Variants in WDFY3 observed in about 807,000 individuals in gnomAD.
WDFY3 encodes WD repeat and FYVE domain containing 3.
In WDFY3, 66 loss-of-function variants were observed where a neutral mutation model predicts 409.6. That is an observed-to-expected ratio of 0.16 (90% CI 0.13 to 0.20). The LOEUF is 0.20. Among genes scored for constraint, WDFY3 ranks in the 10% least tolerant of loss-of-function variants. The pLI is 1.00. For synonymous variants in WDFY3, 1,521 were observed against 1,537.1 expected, an observed-to-expected ratio of 0.99 and a Z score of 0.25; for missense variants, 3,031 against 4,298.1, an observed-to-expected ratio of 0.71 and a Z score of 8.24.
rs796852348 is a variant in WDFY3 at position 84,730,807 on chromosome 4, A to AT, written c.7221+2574dup. Among the ~76,000 whole-genome samples, 1,332 of 146,610 alleles carry AT rather than the reference A, an allele frequency of 9.1e-3. 5 individuals carry two copies. The highest frequency in any genetic ancestry group is 0.012 in the African/African-American group (495 of 40,168). On this transcript the variant is annotated intron_variant, in intron 44 of 67. Coordinates refer to ENST00000295888, the MANE Select transcript of WDFY3 (RefSeq NM_014991.6). The stretch of plus-strand genomic sequence containing the variant: ...TTAAAAAAAAAATCTCTCTCTCTGT[A>AT]TTTTTTTTTTTAGATGGAGTTTTGC...
At chr4:84,680,905 A>G (rs1727240201) in intron 64 of WDFY3, among the ~76,000 whole-genome samples, 2 of 152,162 alleles carry the variant, frequency 1.3e-5, no homozygotes, top group South Asian at 4.1e-4. Flanking sequence ...GAGGTCTTAG[A>G]ACCAACTCCT....
intron 22 of WDFY3, 48 bp from the exon 23 acceptor site, chr4:84,787,761 A>G: frequency 6.7e-7 from 1 of 1,486,606 alleles, no homozygotes; most frequent in South Asian, 1.2e-5. Flanking sequence ...CACTTTCCCC[A>G]GGAAAATAAC....
In WDFY3 at chr4:84,794,889, G is replaced by A. The variant is rs146395071; in HGVS notation, c.3258C>T (p.Gly1086=). 5 of 1,567,648 alleles carry A rather than the reference G, an allele frequency of 3.2e-6. No individual in the cohort carries two copies. The African/African-American group carries it at 5.5e-5, about 17-fold the overall frequency. The part of the protein sequence containing the change: ...TGLIDGAVVS[G]IGSGERFFPP... ...GCAAATATTACTTACCAGAACCAATGCCACTGACCACAGCCCCATCAATAA... is the reference window on the plus strand; with the variant it reads ...GCAAATATTACTTACCAGAACCAATACCACTGACCACAGCCCCATCAATAA... The change falls in exon 20 of 68, where the codon GGC becomes GGT. Residue 1086 remains glycine, a synonymous_variant. Coordinates refer to ENST00000295888, the MANE Select transcript of WDFY3 (RefSeq NM_014991.6).
At chr4:84,826,491 T>C (rs1014530213) in intron 10 of WDFY3, among the ~76,000 whole-genome samples, 1 of 152,190 alleles carries the variant, frequency 6.6e-6, no homozygotes, top group African/African-American at 2.4e-5. Context: ...TTGAGTTCTA[T>C]CCACGTAAAG....
At chr4:84,766,747 C>A (rs1347234068) in intron 30 of WDFY3, among the ~76,000 whole-genome samples, 5 of 152,104 alleles carry the variant, frequency 3.3e-5, no homozygotes, top group Non-Finnish European at 7.3e-5. Context: ...TTGAAAGATA[C>A]AGTTAATTCT....
intron 2 of WDFY3, among the ~76,000 whole-genome samples, chr4:84,913,705 C>G (rs1579100715): frequency 6.6e-6 from 1 of 150,714 alleles, no homozygotes; most frequent in Non-Finnish European, 1.5e-5. Context: ...GAAACTAAAC[C>G]AAATGGTGGA....
intron 44 of WDFY3, among the ~76,000 whole-genome samples, chr4:84,729,370 T>A (rs1736193036): frequency 3.3e-5 from 5 of 152,070 alleles, no homozygotes; most frequent in Admixed American, 3.3e-4. Context: ...AATTATAGTA[T>A]AATTCATTTG....
At chr4:84,962,522 G>A (rs948384421) in intron 1 of WDFY3, among the ~76,000 whole-genome samples, 2 of 152,174 alleles carry the variant, frequency 1.3e-5, no homozygotes, top group African/African-American at 4.8e-5. Flanking sequence ...CAGGGCATGA[G>A]TGAACTTTTT....
intron 36 of WDFY3, among the ~76,000 whole-genome samples, chr4:84,744,669 C>A (rs990724412): frequency 1.3e-5 from 2 of 150,878 alleles, no homozygotes; most frequent in Non-Finnish European, 3.0e-5. Context: ...CCGGCTAAAA[C>A]GGTGAAACCC....
At chr4:84,838,559 C>G (rs143457592) in intron 6 of WDFY3, among the ~76,000 whole-genome samples, 1 of 152,098 alleles carries the variant, frequency 6.6e-6, no homozygotes, top group Non-Finnish European at 1.5e-5. Flanking sequence ...AACTAACCCC[C>G]CAAACCACAT....
chr4:84,784,891 T>TATACACACAC (rs1238884117), intron 24 of WDFY3, among the ~76,000 whole-genome samples: 20 of 36,930 alleles, frequency 5.4e-4, no homozygotes, highest in African/African-American at 1.5e-3. Context: ...TATATATATA[T>TATACACACAC]ACACACACAC....
intron 21 of WDFY3, among the ~76,000 whole-genome samples, chr4:84,792,965 A>C (rs1445095323): frequency 3.3e-5 from 5 of 152,220 alleles, no homozygotes; most frequent in South Asian, 2.1e-4. Flanking sequence ...TAAAAATTAA[A>C]ATCTATGAAG....
At chr4:84,825,873 G>A (rs1191771001) in intron 10 of WDFY3, among the ~76,000 whole-genome samples, 1 of 151,964 alleles carries the variant, frequency 6.6e-6, no homozygotes, top group Non-Finnish European at 1.5e-5. Context: ...ACTATTAGAG[G>A]CCTCCAGGCT....
chr4:84,796,492 A>G (rs911410111), intron 19 of WDFY3, 29 bp downstream of exon 19: 6 of 1,456,648 alleles, frequency 4.1e-6, no homozygotes, highest in Non-Finnish European at 2.8e-6. Context: ...ATAAAACCAT[A>G]AAGGTTGGCT....
At chr4:84,694,011 A>G (rs1419494232) in intron 58 of WDFY3, among the ~76,000 whole-genome samples, 1 of 152,362 alleles carries the variant, frequency 6.6e-6, no homozygotes, top group East Asian at 1.9e-4. Context: ...GGAGATCTGA[A>G]AAACTTTAAA....
chr4:84,898,417 G>A (rs904240566), intron 2 of WDFY3, among the ~76,000 whole-genome samples: 1 of 152,138 alleles, frequency 6.6e-6, no homozygotes, highest in Admixed American at 6.5e-5. Context: ...AAGTAGAAAA[G>A]AGTTTTTTTG....
chr4:84,746,054 TC>T, intron 36 of WDFY3, among the ~76,000 whole-genome samples: 1 of 148,130 alleles, frequency 6.8e-6, no homozygotes, highest in East Asian at 2.0e-4. Context: ...ATGCCTATAA[TC>T]CCAGTATTTT....
intron 6 of WDFY3, among the ~76,000 whole-genome samples, chr4:84,838,285 A>G (rs1465672709): frequency 6.6e-6 from 1 of 152,232 alleles, no homozygotes; most frequent in Non-Finnish European, 1.5e-5. Context: ...CTTCATTTGT[A>G]AAATGATCCT....
intron 39 of WDFY3, 35 bp from the exon 40 acceptor site, chr4:84,739,154 G>C (rs745580097): frequency 3.1e-6 from 5 of 1,595,948 alleles, no homozygotes; most frequent in Non-Finnish European, 4.3e-6. Flanking sequence ...CTTTATGAAG[G>C]AAATGATTAG....
Sources: gnomAD v4.1 joint callset for allele counts (sites outside exome capture counted in the v4.1 genomes callset) on GRCh38, gnomAD v4.1.1 for gene constraint, MANE v1.5 for transcripts, NCBI Gene and HGNC (gene_info 2026-07-23, HGNC 2026-07-21) for gene names.